Variants in TRAPPC10 observed in about 807,000 individuals in gnomAD.
The protein encoded by TRAPPC10 is trafficking protein particle complex subunit 10, also known as TRAPP 130 kDa subunit.
TRAPPC10 carries 23 observed loss-of-function variants against 125.5 expected under a neutral mutation model. The ratio of observed to expected loss-of-function variants is 0.18; its 90% CI spans 0.13 to 0.26. The LOEUF (loss-of-function observed/expected upper bound fraction) is 0.26, where lower values mean the gene tolerates loss of function less well. Among genes scored for constraint, TRAPPC10 ranks in the 10% least tolerant of loss-of-function variants. TRAPPC10 has a pLI of 1.00. For synonymous variants in TRAPPC10, 509 were observed against 518.0 expected, an observed-to-expected ratio of 0.98 and a Z score of 0.24; for missense variants, 1,123 against 1,308.4, an observed-to-expected ratio of 0.86 and a Z score of 2.19.
rs369188490 is a variant in TRAPPC10 at position 44,083,136 on chromosome 21, C to T, written c.2072C>T (p.Thr691Met). The change falls in exon 14 of 23, where the codon ACG becomes ATG. Residue 691 changes from threonine to methionine, a missense_variant. Coordinates refer to ENST00000291574, the MANE Select transcript of TRAPPC10 (RefSeq NM_003274.5). ...ERSPSDNSLN[T>M]TGIICRNVHM... is the part of the protein sequence containing the mutation. The stretch of plus-strand genomic sequence containing the variant: ...AGCCCATCTGATAACTCCTTGAACA[C>T]GACTGGGATTATCTGCAGAAACGTC... 1.1e-5 allele frequency: 17 copies of T among 1,614,032 alleles called. No homozygotes were observed. Among genetic ancestry groups the T allele is most frequent in the Admixed American group, 6.7e-5 (4 of 59,998 alleles).
At chr21:44,061,595 T>A (rs527381913) in intron 6 of TRAPPC10, among the ~76,000 whole-genome samples, 34 of 152,228 alleles carry the variant, frequency 2.2e-4, no homozygotes, top group Middle Eastern at 3.4e-3. Context: ...TACATTTTTT[T>A]AAAAAATAGA....
intron 3 of TRAPPC10, among the ~76,000 whole-genome samples, chr21:44,050,951 C>G (rs921405945): frequency 6.6e-6 from 1 of 152,180 alleles, no homozygotes; most frequent in African/African-American, 2.4e-5. Context: ...GTCGCCCAGG[C>G]TGGAGTGCAG....
Position 44,089,743 on chromosome 21 carries a change from G to A in TRAPPC10, c.2770-90G>A, listed in dbSNP as rs79976829. 1.4e-3 allele frequency: 1,228 copies of A among 894,642 alleles called. 8 individuals carry two copies. In the African/African-American group the frequency reaches 0.018, roughly 13 times the overall value. The allele number at this position is 894,642 out of a possible 1,614,324, so 55.4% of individuals were successfully genotyped here. ...ATAATAAAATGTCTAGGGCGTGGGC[G>A]GGCACTGCAGGTGAGTCTGGGCAGC... On this transcript the variant is annotated intron_variant, in intron 17 of 22. Transcript: ENST00000291574.
At chr21:44,079,939 G>A (rs985369437) in intron 12 of TRAPPC10, 76 bp from the exon 13 acceptor site, 195 of 1,340,728 alleles carry the variant, frequency 1.5e-4, no homozygotes, top group Middle Eastern at 1.8e-4. Context: ...TGTGAAGGCC[G>A]TAGGAGACTT....
intron 19 of TRAPPC10, among the ~76,000 whole-genome samples, 183 bp downstream of exon 19, chr21:44,092,232 G>T (rs1349784605): frequency 6.6e-6 from 1 of 152,234 alleles, no homozygotes; most frequent in Non-Finnish European, 1.5e-5. Flanking sequence ...TGAGTAAGCG[G>T]GTGGCTGGAT....
chr21:44,078,645 T>G (rs2037451786), intron 11 of TRAPPC10, among the ~76,000 whole-genome samples: 1 of 152,120 alleles, frequency 6.6e-6, no homozygotes, highest in African/African-American at 2.4e-5. Flanking sequence ...AACAGCAGAG[T>G]CACAGCTAGA....
At chr21:44,077,918 T>C in intron 11 of TRAPPC10, 134 bp downstream of exon 11, 1 of 531,980 alleles carries the variant, frequency 1.9e-6, no homozygotes, top group Non-Finnish European at 3.0e-6. Flanking sequence ...CCAGTCCTCA[T>C]AATTTTTTTT....
intron 5 of TRAPPC10, 128 bp downstream of exon 5, chr21:44,056,021 C>A: frequency 1.3e-6 from 1 of 795,780 alleles, no homozygotes; most frequent in Non-Finnish European, 1.9e-6. Flanking sequence ...TTTTTAAAAA[C>A]AAAAAACCTG....
chr21:44,075,971 C>T (rs929089795), intron 9 of TRAPPC10, among the ~76,000 whole-genome samples: 7 of 151,982 alleles, frequency 4.6e-5, no homozygotes, highest in South Asian at 2.1e-4. Context: ...ATCGCTTGAA[C>T]CTGGGAGGTG....
At chr21:44,031,345 G>A (rs2033563876) in intron 1 of TRAPPC10, among the ~76,000 whole-genome samples, 1 of 152,200 alleles carries the variant, frequency 6.6e-6, no homozygotes, top group Non-Finnish European at 1.5e-5. Flanking sequence ...TTTAGCCGAA[G>A]TGTAATACAG....
In TRAPPC10 at chr21:44,083,008, C is replaced by G; in HGVS notation, c.1944C>G (p.His648Gln). 1.9e-6 allele frequency: 3 copies of G among 1,614,052 alleles called. No homozygotes were observed. In the East Asian group the frequency reaches 6.7e-5, roughly 36 times the overall value. ...AGACTGCGGAGTGGCTTACCAAGCA[C>G]AAGACGTCCAATGGGATCATTAACT... The part of the protein sequence containing the change: ...YRKTAEWLTK[H>Q]KTSNGIINFP... Residue 648 changes from histidine to glutamine, a missense_variant, in exon 14 of 23, where the codon CAC becomes CAG. This residue lies in a region of TRAPPC10 where 840 missense variants were observed against 902.0 expected (regional missense o/e 0.93). Transcript: ENST00000291574.
At chr21:44,027,938 C>T (rs973462427) in intron 1 of TRAPPC10, among the ~76,000 whole-genome samples, 1 of 152,170 alleles carries the variant, frequency 6.6e-6, no homozygotes, top group South Asian at 2.1e-4. Flanking sequence ...CTCAGACTTA[C>T]ACCCTCCAGA....
chr21:44,064,842 A>G (rs2036322374), intron 7 of TRAPPC10, among the ~76,000 whole-genome samples: 1 of 152,212 alleles, frequency 6.6e-6, no homozygotes, highest in African/African-American at 2.4e-5. Flanking sequence ...ACAAACTCAG[A>G]AACTTAAGAA....
At chr21:44,065,265 G>A (rs2036358508) in intron 7 of TRAPPC10, among the ~76,000 whole-genome samples, 1 of 152,170 alleles carries the variant, frequency 6.6e-6, no homozygotes, top group Non-Finnish European at 1.5e-5. Context: ...GAGTTCCCTT[G>A]TAGCGTCGGG....
chr21:44,046,983 C>T (rs1400718879), intron 3 of TRAPPC10: 12 of 810,712 alleles, frequency 1.5e-5, no homozygotes, highest in East Asian at 1.4e-4. Flanking sequence ...GCTCTGCGAG[C>T]GGGAAACCGC....
intron 3 of TRAPPC10, 148 bp from the exon 4 acceptor site, chr21:44,052,132 C>A (rs907395939): frequency 3.1e-6 from 2 of 651,694 alleles, no homozygotes; most frequent in Admixed American, 3.4e-5. Context: ...CTTGCTAGGC[C>A]GCTGGGCTTT....
intron 7 of TRAPPC10, among the ~76,000 whole-genome samples, chr21:44,069,131 A>C (rs1038335960): frequency 6.6e-6 from 1 of 152,228 alleles, no homozygotes; most frequent in Non-Finnish European, 1.5e-5. Flanking sequence ...ATAGGACATG[A>C]AACCTTTATG....
intron 19 of TRAPPC10, among the ~76,000 whole-genome samples, chr21:44,093,038 C>T (rs2038694173): frequency 1.3e-5 from 2 of 152,184 alleles, no homozygotes; most frequent in Admixed American, 6.5e-5. Flanking sequence ...CTCAGGTGAA[C>T]CACCCACCTT....
intron 3 of TRAPPC10, 42 bp from the exon 4 acceptor site, chr21:44,052,238 G>A (rs765949616): frequency 1.9e-5 from 29 of 1,492,794 alleles, no homozygotes; most frequent in South Asian, 7.9e-5. Context: ...AAACTAAAGG[G>A]CATTAGTTAA....
Sources: allele counts gnomAD v4.1 joint callset (sites outside exome capture counted in the v4.1 genomes callset), GRCh38; gene constraint gnomAD v4.1.1; regional missense constraint gnomAD v4.1.1; transcripts MANE v1.5; gene names NCBI Gene and HGNC (gene_info 2026-07-23, HGNC 2026-07-21).